The following NELL1 variants were observed in gnomAD, a reference collection of about 807,000 sequenced individuals.
NELL1 encodes neural EGFL like 1.
A neutral mutation model predicts 107.4 loss-of-function variants in NELL1; 76 were observed. That is an observed-to-expected ratio of 0.71 (90% confidence interval 0.59 to 0.86). The LOEUF (loss-of-function observed/expected upper bound fraction) is 0.86, where lower values mean the gene tolerates loss of function less well. Ranked by LOEUF, NELL1 falls within the 40% of genes least tolerant of loss-of-function variation. NELL1 has a pLI of 0.00. For missense variants in NELL1, 1,024 were observed against 1,005.5 expected (o/e 1.02, Z -0.25); for synonymous variants, 353 against 341.2 (o/e 1.03, Z -0.38).
intron 12 of NELL1, among the ~76,000 whole-genome samples, chr11:20,996,192 C>G (rs1366935196): frequency 6.6e-6 from 1 of 152,098 alleles, no homozygotes; most frequent in African/African-American, 2.4e-5. Context: ...TGGATGGACT[C>G]AGCTCATTTA....
chr11:21,051,464 T>G (rs1853491442), intron 12 of NELL1, among the ~76,000 whole-genome samples: 1 of 151,796 alleles, frequency 6.6e-6, no homozygotes, highest in South Asian at 2.1e-4. Context: ...TGCACCAAAA[T>G]CTCAGAAGCT....
chr11:21,537,693 C>T (rs77795855), intron 16 of NELL1, among the ~76,000 whole-genome samples: 2 of 152,192 alleles, frequency 1.3e-5, no homozygotes, highest in African/African-American at 4.8e-5. Flanking sequence ...GTACTCGCAG[C>T]CCCTAAGATA....
At chr11:20,701,049 G>A (rs1033715060) in intron 2 of NELL1, among the ~76,000 whole-genome samples, 4 of 152,160 alleles carry the variant, frequency 2.6e-5, no homozygotes, top group African/African-American at 9.7e-5. Context: ...GGGTCAAATG[G>A]TATTTCTAGT....
intron 2 of NELL1, among the ~76,000 whole-genome samples, chr11:20,701,330 T>C (rs182633452): frequency 6.6e-6 from 1 of 152,314 alleles, no homozygotes; most frequent in African/African-American, 2.4e-5. Context: ...TCTGTTCATA[T>C]ACTTTGCCCA....
chr11:20,831,566 A>G (rs1269414938), intron 3 of NELL1, among the ~76,000 whole-genome samples: 2 of 152,132 alleles, frequency 1.3e-5, no homozygotes, highest in African/African-American at 4.8e-5. Context: ...TTTGAAGCCC[A>G]CTAGTTGTTT....
chr11:21,566,241 C>T (rs1042157624), intron 17 of NELL1, among the ~76,000 whole-genome samples: 4 of 151,840 alleles, frequency 2.6e-5, no homozygotes, highest in Non-Finnish European at 5.9e-5. Flanking sequence ...CAGAAATAAT[C>T]TGACCTACGT....
intron 18 of NELL1, 63 bp downstream of exon 18, chr11:21,571,003 G>T (rs1017978141): frequency 1.0e-5 from 15 of 1,502,564 alleles, no homozygotes; most frequent in Non-Finnish European, 1.3e-5. Context: ...AAATTCAGTT[G>T]TCTGTGGGAC....
At chr11:21,258,499 G>A (rs1858826046) in intron 14 of NELL1, among the ~76,000 whole-genome samples, 2 of 151,854 alleles carry the variant, frequency 1.3e-5, no homozygotes, top group African/African-American at 4.8e-5. Context: ...TATGAAGGCT[G>A]GCAAGTCCTA....
At chr11:21,409,936 A>G (rs1426666097) in intron 15 of NELL1, among the ~76,000 whole-genome samples, 8 of 152,118 alleles carry the variant, frequency 5.3e-5, no homozygotes, top group African/African-American at 1.9e-4. Context: ...AGGAAGAAAG[A>G]GAAACAATAC....
rs560040982 is a variant in NELL1 at position 21,200,156 on chromosome 11, T to G, written c.1427-29176T>G. On this transcript the variant is annotated intron_variant, in intron 13 of 19. Transcript: ENST00000357134. ...AATGATTTACAGTCCTTTGGGTATA[T>G]ACCCAGTAATGGGATTGCTGGATCA... is the stretch of plus-strand genomic sequence containing the variant. 2.0e-5 allele frequency among the ~76,000 whole-genome samples: 3 copies of G among 152,328 alleles called. 1 individual carries two copies. The East Asian group carries it at 5.8e-4, about 29-fold the overall frequency.
intron 14 of NELL1, among the ~76,000 whole-genome samples, chr11:21,333,318 C>A (rs1450196785): frequency 6.6e-6 from 1 of 151,986 alleles, no homozygotes; most frequent in Non-Finnish European, 1.5e-5. Context: ...TACTTCCTTT[C>A]TTTCTAGGTT....
In NELL1 at chr11:20,701,795, G is replaced by T. The variant is rs540279820; in HGVS notation, c.184+23735G>T. Reference sequence around the variant, plus strand: ...TTTCCCCATTGCTTGTTTTTGTCAGGTTTGTCAAAGATCAGATGGTTGTAG... The same window carrying T: ...TTTCCCCATTGCTTGTTTTTGTCAGTTTTGTCAAAGATCAGATGGTTGTAG... On this transcript the variant is annotated intron_variant, in intron 2 of 19. Transcript: ENST00000357134. Among the ~76,000 whole-genome samples, 444 of 152,044 alleles carry T rather than the reference G, an allele frequency of 2.9e-3. 1 individual carries two copies. Among genetic ancestry groups the T allele is most frequent in the African/African-American group, 9.9e-3 (411 of 41,510 alleles).
intron 12 of NELL1, among the ~76,000 whole-genome samples, chr11:21,091,914 A>T (rs1854530550): frequency 6.6e-6 from 1 of 152,216 alleles, no homozygotes; most frequent in Non-Finnish European, 1.5e-5. Flanking sequence ...ACAAGGTACC[A>T]TAGGGGGCCT....
chr11:21,013,564 G>A (rs913990985), intron 12 of NELL1, among the ~76,000 whole-genome samples: 7 of 152,122 alleles, frequency 4.6e-5, no homozygotes, highest in African/African-American at 1.7e-4. Context: ...ATCTGCTAAG[G>A]ATGTATTTCC....
intron 3 of NELL1, among the ~76,000 whole-genome samples, chr11:20,827,136 G>C (rs1006031973): frequency 6.7e-6 from 1 of 150,240 alleles, no homozygotes; most frequent in African/African-American, 2.4e-5. Flanking sequence ...GTTAAGATGG[G>C]GATTCTAATA....
At chr11:21,020,204 T>A (rs1852665100) in intron 12 of NELL1, among the ~76,000 whole-genome samples, 1 of 152,134 alleles carries the variant, frequency 6.6e-6, no homozygotes, top group African/African-American at 2.4e-5. Flanking sequence ...TAGCAGCTGT[T>A]AACCATTACG....
chr11:21,050,672 GTCTTCT>G (rs146280920), intron 12 of NELL1, among the ~76,000 whole-genome samples: 1 of 151,684 alleles, frequency 6.6e-6, no homozygotes, highest in African/African-American at 2.4e-5. Context: ...GTTAATGTCT[GTCTTCT>G]TCTTTAACTA....
intron 15 of NELL1, among the ~76,000 whole-genome samples, chr11:21,427,925 G>A (rs1852868756): frequency 6.6e-6 from 1 of 152,110 alleles, no homozygotes; most frequent in African/African-American, 2.4e-5. Context: ...TACATAGTTT[G>A]CACAATACTC....
At chr11:20,908,839 AG>A (rs1424389739) in intron 5 of NELL1, among the ~76,000 whole-genome samples, 1 of 152,242 alleles carries the variant, frequency 6.6e-6, no homozygotes, top group Non-Finnish European at 1.5e-5. Context: ...TATAGGTAAA[AG>A]AATTGAAAAC....
Sources: gnomAD v4.1 joint callset for allele counts (sites outside exome capture counted in the v4.1 genomes callset) on GRCh38, gnomAD v4.1.1 for gene constraint, MANE v1.5 for transcripts, NCBI Gene and HGNC (gene_info 2026-07-23, HGNC 2026-07-21) for gene names.